Variants in TBCD observed in about 807,000 individuals in gnomAD.
TBCD encodes tubulin-specific chaperone D.
In TBCD, 105 loss-of-function variants were observed where a neutral mutation model predicts 169.3. That is an observed-to-expected ratio of 0.62 (90% CI 0.53 to 0.73). TBCD has a LOEUF of 0.73. TBCD is among the 30% of genes least tolerant of loss of function. The pLI is 0.00. For synonymous variants in TBCD, 700 were observed against 643.9 expected, an observed-to-expected ratio of 1.09 and a Z score of -1.32; for missense variants, 1,444 against 1,600.1, an observed-to-expected ratio of 0.90 and a Z score of 1.66.
intron 7 of TBCD, among the ~76,000 whole-genome samples, chr17:82,790,827 C>T (rs2049667700): frequency 6.6e-6 from 1 of 152,128 alleles, no homozygotes; most frequent in African/African-American, 2.4e-5. Context: ...CTGCTGGGCT[C>T]AGAGCTGTGC....
chr17:82,940,951 T>C (rs1407997480), intron 37 of TBCD, among the ~76,000 whole-genome samples: 2 of 152,016 alleles, frequency 1.3e-5, no homozygotes, highest in African/African-American at 2.4e-5. Flanking sequence ...TTTAATCCCC[T>C]TTCTGTTAAA....
At chr17:82,860,412 G>A (rs953587760) in intron 13 of TBCD, 2 of 985,418 alleles carry the variant, frequency 2.0e-6, no homozygotes, top group African/African-American at 3.5e-5. Context: ...GCAGTGAGCG[G>A]ACAGCGAGGG....
intron 34 of TBCD, among the ~76,000 whole-genome samples, chr17:82,934,580 C>G (rs1678988830): frequency 6.6e-6 from 1 of 152,008 alleles, no homozygotes; most frequent in Non-Finnish European, 1.5e-5. Flanking sequence ...TCAAGTGATT[C>G]TCCTGCCTCA....
intron 1 of TBCD, 82 bp downstream of exon 1, chr17:82,752,459 C>T: frequency 2.7e-6 from 3 of 1,096,740 alleles, no homozygotes; most frequent in Non-Finnish European, 3.4e-6. Context: ...GCGGGGACCG[C>T]AGCCCGGCGG....
intron 13 of TBCD, among the ~76,000 whole-genome samples, chr17:82,826,722 C>A (rs1447219672): frequency 6.6e-6 from 1 of 151,798 alleles, no homozygotes; most frequent in Non-Finnish European, 1.5e-5. Flanking sequence ...GGCCGTGAGC[C>A]ATGCTTTTAA....
At chr17:82,860,828 C>A (rs1221647147) in intron 13 of TBCD, among the ~76,000 whole-genome samples, 2 of 152,202 alleles carry the variant, frequency 1.3e-5, no homozygotes, top group Non-Finnish European at 2.9e-5. Flanking sequence ...CTGCCCCGCC[C>A]CTGAGGGAGG....
At chr17:82,887,186 C>T (rs955925073) in intron 15 of TBCD, among the ~76,000 whole-genome samples, 10 of 141,630 alleles carry the variant, frequency 7.1e-5, no homozygotes, top group East Asian at 2.0e-4. Context: ...CGCGCACGTG[C>T]GCTCACGCGT....
Position 82,923,528 on chromosome 17 carries a change from C to A in TBCD, c.2179-124C>A. 1.3e-6 allele frequency: 1 copy of A among 798,878 alleles called. No individual in the cohort carries two copies. The highest frequency in any genetic ancestry group is 2.0e-6 in the Non-Finnish European group (1 of 492,368). 49.5% of individuals were successfully genotyped at this position (798,878 alleles called of 1,614,324 possible). A position where few individuals can be genotyped will look rare whatever the true frequency, so the allele number is the denominator to read the frequency against. ...CTGGTCAGGCAGGGGCTGCTCTGAC[C>A]TCAGGGTGACCACGGTGTCCCTGGT... On this transcript the variant is annotated intron_variant, in intron 25 of 38. Transcript: ENST00000355528. This position sits in a 1 kb window ranked among gnomAD's most constrained non-coding sequence, Gnocchi z 4.6.
rs183675716 is a variant in TBCD at position 82,789,401 on chromosome 17, C to T, written c.771+7680C>T. On this transcript the variant is annotated intron_variant, in intron 7 of 38. Coordinates refer to ENST00000355528, the MANE Select transcript of TBCD (RefSeq NM_005993.5). This position sits in a 1 kb window ranked among gnomAD's most constrained non-coding sequence, Gnocchi z 4.8. ...AGACGTGTGCTCACAGGCAGCCCGTCGCGGGGTCATGTGCTAGACGGGGAG... is the reference window on the plus strand; with the variant it reads ...AGACGTGTGCTCACAGGCAGCCCGTTGCGGGGTCATGTGCTAGACGGGGAG... Among the ~76,000 whole-genome samples the T allele has an allele frequency of 2.6e-5, 4 of 152,336 alleles. No individual in the cohort carries two copies. The highest frequency in any genetic ancestry group is 7.2e-5 in the African/African-American group (3 of 41,572).
At chr17:82,770,870 C>T (rs574141090) in intron 5 of TBCD, among the ~76,000 whole-genome samples, 22 of 151,906 alleles carry the variant, frequency 1.4e-4, no homozygotes, top group East Asian at 3.9e-4. Context: ...AAAAATTAGC[C>T]GGGAATGGTG....
intron 12 of TBCD, among the ~76,000 whole-genome samples, chr17:82,814,284 T>C (rs895610827): frequency 5.3e-5 from 8 of 152,242 alleles, no homozygotes; most frequent in Non-Finnish European, 1.0e-4. Context: ...AAGTTCCTAC[T>C]TTTCTGAAGT....
In TBCD at chr17:82,930,711, AT is replaced by A; in HGVS notation, c.3113+70del. 1 of 1,606,132 alleles carries A rather than the reference AT, an allele frequency of 6.2e-7. No homozygotes were observed. The highest frequency in any genetic ancestry group is 1.1e-5 in the South Asian group (1 of 90,378). On this transcript the variant is annotated intron_variant, in intron 33 of 38. Transcript: ENST00000355528. This position sits in a 1 kb window ranked among gnomAD's most constrained non-coding sequence, Gnocchi z 5.2. ...GGTGCCTCTCACCACGTTCCCACAG[AT>A]TCCCGGGGTCTCGCAGGGTCTGTCT...
intron 17 of TBCD, chr17:82,896,004 A>T (rs2059450053): frequency 6.6e-6 from 1 of 152,136 alleles, no homozygotes; most frequent in Admixed American, 6.5e-5. Context: ...CATTTTTGTA[A>T]ATGTTAACAT....
chr17:82,882,864 G>A (rs1317069448), intron 14 of TBCD, among the ~76,000 whole-genome samples: 1 of 152,246 alleles, frequency 6.6e-6, no homozygotes, highest in East Asian at 1.9e-4. Context: ...CAGGGCCGGC[G>A]CCTCACACAC....
intron 7 of TBCD, among the ~76,000 whole-genome samples, chr17:82,790,971 C>T (rs1037722397): frequency 4.6e-5 from 7 of 152,264 alleles, no homozygotes; most frequent in South Asian, 2.1e-4. Flanking sequence ...CTCCCTGCCG[C>T]CGTTGCCCTC....
At chr17:82,816,479 A>G (rs145061180) in intron 13 of TBCD, among the ~76,000 whole-genome samples, 126 of 152,206 alleles carry the variant, frequency 8.3e-4, no homozygotes, top group African/African-American at 2.8e-3. Context: ...CACCATTTCA[A>G]GTTCCTGCCT....
rs2059137619 is a variant in TBCD at position 82,891,519 on chromosome 17, C to T, written c.1563+1822C>T. Reference sequence around the variant, plus strand: ...CGGAGCGTCTCCCAGCCCCGCACGGCCATGTCCTGCTGAGGTTGGATAGAA... The same window carrying T: ...CGGAGCGTCTCCCAGCCCCGCACGGTCATGTCCTGCTGAGGTTGGATAGAA... On this transcript the variant is annotated intron_variant, in intron 16 of 38. Transcript: ENST00000355528. Among the ~76,000 whole-genome samples the T allele has an allele frequency of 3.3e-5, 5 of 152,224 alleles. No individual in the cohort carries two copies. In the South Asian group the frequency reaches 1.0e-3, roughly 31 times the overall value.
chr17:82,830,625 A>G, intron 13 of TBCD: 1 of 1,613,848 alleles, frequency 6.2e-7, no homozygotes, highest in Non-Finnish European at 8.5e-7. Context: ...CAGGCCTCGG[A>G]GCCTGGGTGT....
intron 13 of TBCD, among the ~76,000 whole-genome samples, chr17:82,825,381 T>C (rs1045818765): frequency 1.6e-4 from 24 of 152,228 alleles, no homozygotes; most frequent in African/African-American, 4.8e-4. Context: ...CACGGCTCCC[T>C]GCACGGCTGT....
Sources: allele counts gnomAD v4.1 joint callset (sites outside exome capture counted in the v4.1 genomes callset), GRCh38; gene constraint gnomAD v4.1.1; non-coding constraint Gnocchi (gnomAD v3.1); transcripts MANE v1.5; gene names NCBI Gene and HGNC (gene_info 2026-07-23, HGNC 2026-07-21).